Variants in LAMA2 observed in about 807,000 individuals in gnomAD.
LAMA2 encodes the protein laminin subunit alpha 2, also known as laminin subunit alpha-2.
Under a neutral mutation model 364.8 loss-of-function variants are expected in LAMA2, and 269 were observed. The observed-to-expected ratio is 0.74, with a 90% CI of 0.67 to 0.82. The LOEUF is 0.82. Ranked by LOEUF, LAMA2 falls within the 40% of genes least tolerant of loss-of-function variation. The pLI, the probability that LAMA2 is intolerant of heterozygous loss-of-function variation, is 0.00. For missense variants in LAMA2, 3,807 were observed against 3,873.2 expected, an observed-to-expected ratio of 0.98 and a Z score of 0.45; for synonymous variants, 1,379 against 1,370.6, an observed-to-expected ratio of 1.01 and a Z score of -0.14.
At chr6:129,497,870 T>C (rs1785313704) in intron 58 of LAMA2, among the ~76,000 whole-genome samples, 1 of 152,248 alleles carries the variant, frequency 6.6e-6, no homozygotes, top group Non-Finnish European at 1.5e-5. Flanking sequence ...TCATTTGATA[T>C]TATGGTAGCT....
At chr6:129,457,578 C>T (rs1482805091) in intron 48 of LAMA2, among the ~76,000 whole-genome samples, 1 of 151,970 alleles carries the variant, frequency 6.6e-6, no homozygotes, top group African/African-American at 2.4e-5. Context: ...TTGTAGGATA[C>T]AATAATACAT....
At chr6:129,222,109 G>A (rs146162977) in intron 12 of LAMA2, among the ~76,000 whole-genome samples, 1 of 152,244 alleles carries the variant, frequency 6.6e-6, no homozygotes, top group East Asian at 1.9e-4. Context: ...ATAGATAGTT[G>A]CAAACATTGC....
At position 129,342,256 on chromosome 6, in the gene LAMA2, C is replaced by T. The variant is rs896041891; in HGVS notation, c.4312-87C>T. 4.3e-6 allele frequency: 5 copies of T among 1,158,468 alleles called. No homozygotes were observed. The South Asian group carries it at 6.2e-5, about 14-fold the overall frequency. The allele number at this position is 1,158,468 out of a possible 1,614,324, so 71.8% of individuals were successfully genotyped here. On this transcript the variant is annotated intron_variant, in intron 29 of 64. Coordinates refer to ENST00000421865, the MANE Select transcript of LAMA2 (RefSeq NM_000426.4). ...AAGAAAGTATATGTGTTCATAGACA[C>T]ACATTCATAGCTAGGGACTGTATGA... is the stretch of plus-strand genomic sequence containing the variant.
At chr6:129,365,006 G>A (rs971830833) in intron 32 of LAMA2, among the ~76,000 whole-genome samples, 3 of 152,166 alleles carry the variant, frequency 2.0e-5, no homozygotes, top group African/African-American at 7.2e-5. Context: ...CACTAGGGCG[G>A]TGGTGCTAAG....
intron 7 of LAMA2, among the ~76,000 whole-genome samples, chr6:129,152,401 T>C (rs1473766336): frequency 6.6e-6 from 1 of 152,194 alleles, no homozygotes; most frequent in Non-Finnish European, 1.5e-5. Context: ...GGAGGGGAAT[T>C]TTTTAAGCGA....
rs1782337653 is a variant in LAMA2, at chr6:129,445,750, G to A, written c.6358G>A (p.Glu2120Lys). The stretch of plus-strand genomic sequence containing the variant: ...TAAACTCAAACCCATCAAGGAACTT[G>A]AGGATAACCTAAAGAAAAACATCTC... ...IDKLKPIKEL[E>K]DNLKKNISEI... Residue 2120 changes from glutamate (E) to lysine (K), a missense_variant, in exon 45 of 65, where the codon GAG becomes AAG. Glu to Lys is a moderately conservative substitution (Grantham distance 56). Coordinates refer to ENST00000421865, the MANE Select transcript of LAMA2 (RefSeq NM_000426.4). 6.2e-7 allele frequency: 1 copy of A among 1,613,668 alleles called. No homozygotes were observed. Among genetic ancestry groups the A allele is most frequent in the South Asian group, 1.1e-5 (1 of 91,078 alleles).
At chr6:129,039,446 A>T (rs1786921275) in intron 1 of LAMA2, among the ~76,000 whole-genome samples, 1 of 152,230 alleles carries the variant, frequency 6.6e-6, no homozygotes, top group South Asian at 2.1e-4. Context: ...AGCAGGCCTG[A>T]TTATAAATGT....
chr6:128,989,437 G>A (rs1364332680), intron 1 of LAMA2, among the ~76,000 whole-genome samples: 1 of 152,150 alleles, frequency 6.6e-6, no homozygotes, highest in African/African-American at 2.4e-5. Context: ...TGCAAGCCTA[G>A]ACCTTTGAAT....
At chr6:129,379,783 C>G (rs980818590) in intron 34 of LAMA2, among the ~76,000 whole-genome samples, 1 of 152,200 alleles carries the variant, frequency 6.6e-6, no homozygotes, top group Non-Finnish European at 1.5e-5. Flanking sequence ...TCTTGAGCAG[C>G]AGCTTCCTCT....
At chr6:128,941,155 A>G (rs1380066105) in intron 1 of LAMA2, among the ~76,000 whole-genome samples, 2 of 152,232 alleles carry the variant, frequency 1.3e-5, no homozygotes, top group African/African-American at 4.8e-5. Flanking sequence ...TTGAAAAAAT[A>G]AAATAAGCCT....
intron 37 of LAMA2, among the ~76,000 whole-genome samples, chr6:129,396,812 T>C (rs1779663191): frequency 6.6e-6 from 1 of 151,642 alleles, no homozygotes; most frequent in Non-Finnish European, 1.5e-5. Flanking sequence ...CCTATCTCTA[T>C]AGAAAAATAC....
At chr6:129,467,030 T>C (rs909659464) in intron 51 of LAMA2, among the ~76,000 whole-genome samples, 13 of 151,784 alleles carry the variant, frequency 8.6e-5, no homozygotes, top group African/African-American at 3.1e-4. Flanking sequence ...TTCTCTTCTA[T>C]AGTAGTAGAA....
At chr6:129,190,093 G>C (rs1671900917) in intron 10 of LAMA2, 112 bp from the exon 11 acceptor site, 1 of 1,060,886 alleles carries the variant, frequency 9.4e-7, no homozygotes, top group Non-Finnish European at 1.4e-6. Flanking sequence ...GTTAAATATA[G>C]TTGAGAGGGT....
chr6:129,512,233 A>C, intron 62 of LAMA2, 130 bp from the exon 63 acceptor site: 3 of 857,664 alleles, frequency 3.5e-6, no homozygotes, highest in Non-Finnish European at 5.5e-6. Flanking sequence ...GCAGGATCTG[A>C]AACTTATAGC....
intron 51 of LAMA2, among the ~76,000 whole-genome samples, chr6:129,471,576 C>A (rs1783814428): frequency 6.6e-6 from 1 of 151,642 alleles, no homozygotes; most frequent in South Asian, 2.1e-4. Context: ...GTCAACAGCC[C>A]CATATGAAAA....
chr6:129,477,395 C>CTTTG (rs915125439), intron 53 of LAMA2, among the ~76,000 whole-genome samples: 1 of 152,084 alleles, frequency 6.6e-6, no homozygotes, highest in Non-Finnish European at 1.5e-5. Context: ...TTCTGATAGC[C>CTTTG]TTTGTTTGTT....
At chr6:128,958,767 T>C (rs1781300180) in intron 1 of LAMA2, among the ~76,000 whole-genome samples, 3 of 152,176 alleles carry the variant, frequency 2.0e-5, no homozygotes. Context: ...GAAAAGCTCA[T>C]AACAAAAAGT....
intron 10 of LAMA2, 124 bp downstream of exon 10, chr6:129,177,990 T>C (rs1780711416): frequency 9.8e-7 from 1 of 1,018,234 alleles, no homozygotes; most frequent in Non-Finnish European, 1.5e-6. Context: ...TAATCTATTC[T>C]ACGTGTGGTG....
chr6:129,481,228 T>C, intron 54 of LAMA2, 35 bp from the exon 55 acceptor site: 1 of 1,573,268 alleles, frequency 6.4e-7, no homozygotes, highest in Non-Finnish European at 8.7e-7. Context: ...TTTTCATTTC[T>C]AATGGTTTCT....
Sources: gnomAD v4.1 joint callset for allele counts (sites outside exome capture counted in the v4.1 genomes callset) on GRCh38, gnomAD v4.1.1 for gene constraint, MANE v1.5 for transcripts, NCBI Gene and HGNC (gene_info 2026-07-23, HGNC 2026-07-21) for gene names.